GAK: variants seen among roughly 807,000 people sequenced by gnomAD.
GAK encodes the protein cyclin-G-associated kinase.
In GAK, 79 loss-of-function variants were observed where a neutral mutation model predicts 143.9. That is an observed-to-expected ratio of 0.55 (90% confidence interval 0.46 to 0.66). The LOEUF (loss-of-function observed/expected upper bound fraction) is 0.66, where lower values mean the gene tolerates loss of function less well. GAK is among the 30% of genes least tolerant of loss of function. The pLI is 0.00. For missense variants in GAK, 1,693 were observed against 1,779.7 expected (o/e 0.95, Z 0.88); for synonymous variants, 881 against 765.5 (o/e 1.15, Z -2.49).
rs955559022 is a variant in GAK at position 894,191 on chromosome 4, T to C, written c.742-182A>G. The C allele has an allele frequency of 1.0e-5, 5 of 477,200 alleles. No homozygotes were observed. In the African/African-American group the frequency reaches 1.2e-4, roughly 11 times the overall value. The allele number at this position is 477,200 out of a possible 1,614,324, so 29.6% of individuals were successfully genotyped here. Reference sequence around the variant, plus strand: ...GAACACAGGGGTGATATCGGGAACATGGGAAATGCAGGGGTGACACCGGGG... The same window carrying C: ...GAACACAGGGGTGATATCGGGAACACGGGAAATGCAGGGGTGACACCGGGG... On this transcript the variant is annotated intron_variant, in intron 7 of 27. Coordinates refer to ENST00000314167, the MANE Select transcript of GAK (RefSeq NM_005255.4).
intron 24 of GAK, among the ~76,000 whole-genome samples, chr4:855,314 A>C (rs1748943682): frequency 1.3e-5 from 2 of 151,816 alleles, no homozygotes; most frequent in African/African-American, 4.8e-5. Context: ...GGTCAGATTT[A>C]TACCTAAATG....
At chr4:863,666 G>A (rs1158678530) in intron 23 of GAK, among the ~76,000 whole-genome samples, 2 of 152,166 alleles carry the variant, frequency 1.3e-5, no homozygotes, top group African/African-American at 4.8e-5. Flanking sequence ...GCATTTTTTA[G>A]CAATGAAGTA....
Position 851,772 on chromosome 4 carries a change from C to A in GAK, c.3486G>T (p.Arg1162=). 1.2e-6 allele frequency: 2 copies of A among 1,613,218 alleles called. No individual in the cohort carries two copies. The highest frequency in any genetic ancestry group is 1.7e-6 in the Non-Finnish European group (2 of 1,179,766). ...NFSVIGAREE[R]GVRAPSFAQK... ...CACCAAAGCTGGGTGCGCGGACCCC[C>A]CGCTCCTCCCGCGCCCCGATCACAC... Residue 1162 remains arginine (R), a synonymous_variant, in exon 25 of 28, where the codon CGG becomes CGT. Coordinates refer to ENST00000314167, the MANE Select transcript of GAK (RefSeq NM_005255.4).
At chr4:898,666 C>T (rs1719272247) in intron 5 of GAK, among the ~76,000 whole-genome samples, 1 of 152,096 alleles carries the variant, frequency 6.6e-6, no homozygotes, top group Non-Finnish European at 1.5e-5. Context: ...GTTCGAGACA[C>T]GCCTGACCAA....
intron 7 of GAK, among the ~76,000 whole-genome samples, chr4:895,149 C>T (rs11726508): frequency 0.15 from 22,195 of 152,160 alleles, 1,729 homozygotes; most frequent in South Asian, 0.23. Flanking sequence ...ACAGCAGAGA[C>T]CCACTTTTCA....
At chr4:850,158 T>C in intron 26 of GAK, 90 bp from the exon 27 acceptor site, 1 of 1,325,780 alleles carries the variant, frequency 7.5e-7, no homozygotes, top group East Asian at 2.6e-5. Context: ...GCTGAGGAAG[T>C]GCCTGGTCAC....
At chr4:914,369 CCCA>C (rs1216972477) in intron 1 of GAK, among the ~76,000 whole-genome samples, 8 of 126,942 alleles carry the variant, frequency 6.3e-5, no homozygotes, top group East Asian at 2.5e-4. Flanking sequence ...GTGCACGGCC[CCCA>C]CACACACAGC....
chr4:876,788 C>T (rs1713994154), intron 17 of GAK, among the ~76,000 whole-genome samples, 179 bp from the exon 18 acceptor site: 1 of 152,224 alleles, frequency 6.6e-6, no homozygotes, highest in Non-Finnish European at 1.5e-5. Flanking sequence ...TGGCAGGTAA[C>T]CCTGAGGAGA....
At chr4:919,931 A>G (rs1723650838) in intron 1 of GAK, among the ~76,000 whole-genome samples, 2 of 151,984 alleles carry the variant, frequency 1.3e-5, no homozygotes, top group Admixed American at 1.3e-4. Context: ...CAGGAGGATC[A>G]CCTGAACCCA....
intron 7 of GAK, among the ~76,000 whole-genome samples, chr4:894,978 C>CAAAT (rs1553885659): frequency 0.16 from 20,507 of 126,316 alleles, 1,530 homozygotes; most frequent in East Asian, 0.19. Context: ...GACTCTGTCT[C>CAAAT]AAATAAATAA....
chr4:906,191 G>A (rs111820199), intron 4 of GAK, among the ~76,000 whole-genome samples: 5 of 152,368 alleles, frequency 3.3e-5, no homozygotes, highest in African/African-American at 1.2e-4. Flanking sequence ...CCGGCGAGCC[G>A]TTAACGTGAG....
At chr4:857,455 G>T (rs953706404) in intron 24 of GAK, among the ~76,000 whole-genome samples, 1 of 152,164 alleles carries the variant, frequency 6.6e-6, no homozygotes, top group Non-Finnish European at 1.5e-5. Flanking sequence ...TCCTTTTTGG[G>T]AAGTTTTTAA....
chr4:865,111 G>A lies in GAK; in HGVS notation c.3166+11C>T. The A allele has an allele frequency of 6.2e-7, 1 of 1,605,734 alleles. No individual in the cohort carries two copies. The highest frequency in any genetic ancestry group is 8.5e-7 in the Non-Finnish European group (1 of 1,175,524). The stretch of plus-strand genomic sequence containing the variant: ...TCTGGGAGCCCTGTCCTTGGTGGGT[G>A]GTGGCCATACCTTCTGTGGCTGGCG... On this transcript the variant is annotated intron_variant, in intron 23 of 27. Coordinates refer to ENST00000314167, the MANE Select transcript of GAK (RefSeq NM_005255.4).
chr4:902,177 G>A (rs1282444833), intron 5 of GAK, among the ~76,000 whole-genome samples: 4 of 151,428 alleles, frequency 2.6e-5, no homozygotes, highest in African/African-American at 7.3e-5. Flanking sequence ...GGCAGAGGCT[G>A]CATGAGCCGA....
At position 851,827 on chromosome 4, in the gene GAK, T is replaced by C. The variant is rs770322584; in HGVS notation, c.3431A>G (p.Gln1144Arg). 2.5e-6 allele frequency: 4 copies of C among 1,611,288 alleles called. No homozygotes were observed. Among genetic ancestry groups the C allele is most frequent in the Non-Finnish European group, 3.4e-6 (4 of 1,178,446 alleles). Residue 1144 changes from glutamine to arginine, a missense_variant, in exon 25 of 28, where the codon CAG becomes CGG. Around this residue, in one of 2 missense-constraint regions of GAK, gnomAD observed 822 missense variants for 788.7 expected, o/e 1.04. Coordinates refer to ENST00000314167, the MANE Select transcript of GAK (RefSeq NM_005255.4). ...QAKPPPKACT[Q>R]PRPNYASNFS... ...GTTCGAGGCATAGTTAGGCCTTGGC[T>C]GTGTGCAGGCTTTGGGGGGCGGCTT...
intron 4 of GAK, among the ~76,000 whole-genome samples, chr4:910,850 G>A (rs1721930256): frequency 6.6e-6 from 1 of 152,150 alleles, no homozygotes; most frequent in Non-Finnish European, 1.5e-5. Flanking sequence ...TCGTCACCTG[G>A]CACAGGAGTT....
intron 1 of GAK, among the ~76,000 whole-genome samples, chr4:928,982 G>T (rs966379601): frequency 6.7e-6 from 1 of 150,034 alleles, no homozygotes; most frequent in East Asian, 2.0e-4. Context: ...GGCTGATCTC[G>T]AACTCCCGAT....
At chr4:877,998 T>C (rs974833061) in intron 15 of GAK, among the ~76,000 whole-genome samples, 189 bp from the exon 16 acceptor site, 6 of 152,230 alleles carry the variant, frequency 3.9e-5, no homozygotes, top group East Asian at 3.8e-4. Context: ...TATACATATA[T>C]GTATTTTTAA....
intron 5 of GAK, among the ~76,000 whole-genome samples, chr4:899,494 G>A (rs1323046491): frequency 2.0e-5 from 3 of 152,188 alleles, no homozygotes; most frequent in Non-Finnish European, 4.4e-5. Context: ...GCATGCACGC[G>A]GTCAGTATGG....
Sources: gnomAD v4.1 joint callset for allele counts (sites outside exome capture counted in the v4.1 genomes callset) on GRCh38, gnomAD v4.1.1 for gene constraint, gnomAD v4.1.1 regional missense constraint, MANE v1.5 for transcripts, NCBI Gene and HGNC (gene_info 2026-07-23, HGNC 2026-07-21) for gene names.